TMEM117: variants seen among roughly 807,000 people sequenced by gnomAD.
TMEM117 encodes the protein transmembrane protein 117.
Under a neutral mutation model 52.4 loss-of-function variants are expected in TMEM117, and 27 were observed. The observed-to-expected ratio is 0.51, with a 90% CI of 0.38 to 0.71. The LOEUF (loss-of-function observed/expected upper bound fraction) is 0.71, where lower values mean the gene tolerates loss of function less well. Ranked by LOEUF, TMEM117 falls within the 30% of genes least tolerant of loss-of-function variation. The pLI, the probability that TMEM117 is intolerant of heterozygous loss-of-function variation, is 0.00. For missense variants in TMEM117, 556 were observed against 630.5 expected, an observed-to-expected ratio of 0.88 and a Z score of 1.26; for synonymous variants, 215 against 206.3, an observed-to-expected ratio of 1.04 and a Z score of -0.36.
In TMEM117 at chr12:44,375,084, G is replaced by A. The variant is rs192644010; in HGVS notation, c.769-1511G>A. 2.8e-3 allele frequency among the ~76,000 whole-genome samples: 427 copies of A among 152,246 alleles called. 1 individual carries two copies. The highest frequency in any genetic ancestry group is 9.8e-3 in the African/African-American group (409 of 41,544). On this transcript the variant is annotated intron_variant, in intron 6 of 7. Coordinates refer to ENST00000266534, the MANE Select transcript of TMEM117 (RefSeq NM_032256.3). ...CATAGAAAGAACAAAGGTGGCATTA[G>A]TGGAAAATAAAAGGCAAATGCACGT... is the stretch of plus-strand genomic sequence containing the variant.
At position 43,996,928 on chromosome 12, in the gene TMEM117, A is replaced by C. The variant is rs1282084777; in HGVS notation, c.410+52586A>C. Reference sequence around the variant, plus strand: ...CATATTTGTTGGTGTCAGTAAGAGGAAATTAAGTTGACAATATAGAGAGCA... The same window carrying C: ...CATATTTGTTGGTGTCAGTAAGAGGCAATTAAGTTGACAATATAGAGAGCA... On this transcript the variant is annotated intron_variant, in intron 3 of 7. Coordinates refer to ENST00000266534, the MANE Select transcript of TMEM117 (RefSeq NM_032256.3). 3.9e-5 allele frequency among the ~76,000 whole-genome samples: 6 copies of C among 152,168 alleles called. No individual in the cohort carries two copies. In the East Asian group the frequency reaches 1.2e-3, roughly 29 times the overall value.
intron 3 of TMEM117, among the ~76,000 whole-genome samples, chr12:43,945,043 G>A (rs1310451900): frequency 2.0e-5 from 3 of 151,788 alleles, no homozygotes; most frequent in South Asian, 2.1e-4. Flanking sequence ...CCCAGGAAGC[G>A]GAGGTTGCAG....
intron 6 of TMEM117, among the ~76,000 whole-genome samples, chr12:44,359,707 A>T (rs1951696819): frequency 2.0e-5 from 3 of 152,072 alleles, no homozygotes; most frequent in African/African-American, 4.8e-5. Context: ...GAATTACCAG[A>T]TTAATATGGA....
intron 2 of TMEM117, among the ~76,000 whole-genome samples, chr12:43,845,430 C>T (rs1592301188): frequency 8.3e-6 from 1 of 120,116 alleles, no homozygotes; most frequent in Non-Finnish European, 1.6e-5. Context: ...CGCTGCACTA[C>T]AGCCTGGGTG....
At chr12:44,302,236 C>A (rs987152158) in intron 6 of TMEM117, among the ~76,000 whole-genome samples, 1 of 152,180 alleles carries the variant, frequency 6.6e-6, no homozygotes, top group African/African-American at 2.4e-5. Context: ...CACTTCTCAG[C>A]CCTAGATATT....
At position 44,037,459 on chromosome 12, in the gene TMEM117, G is replaced by A. The variant is rs1321029782; in HGVS notation, c.410+93117G>A. On this transcript the variant is annotated intron_variant, in intron 3 of 7. Coordinates refer to ENST00000266534, the MANE Select transcript of TMEM117 (RefSeq NM_032256.3). ...TAACATGCTAGACTCCTGCCGCCTC[G>A]GCCCCTCCAGACGCTGGGCACTGAC... is the stretch of plus-strand genomic sequence containing the variant. 2.0e-5 allele frequency among the ~76,000 whole-genome samples: 3 copies of A among 152,032 alleles called. No homozygotes were observed. In the East Asian group the frequency reaches 5.8e-4, roughly 30 times the overall value.
At chr12:44,107,541 A>G (rs1472117291) in intron 3 of TMEM117, among the ~76,000 whole-genome samples, 1 of 152,110 alleles carries the variant, frequency 6.6e-6, no homozygotes, top group Non-Finnish European at 1.5e-5. Context: ...GTGAGTTGAC[A>G]TGGAGATAGG....
chr12:44,282,524 A>G (rs1281994910), intron 5 of TMEM117, among the ~76,000 whole-genome samples: 2 of 152,334 alleles, frequency 1.3e-5, no homozygotes, highest in Non-Finnish European at 2.9e-5. Context: ...CAAAGAGACT[A>G]ACGTCATTTT....
chr12:44,020,512 T>C (rs1054246640), intron 3 of TMEM117, among the ~76,000 whole-genome samples: 13 of 152,194 alleles, frequency 8.5e-5, no homozygotes, highest in Non-Finnish European at 1.5e-4. Context: ...TTTATTCTGA[T>C]CTACGAATTT....
At chr12:43,812,405 G>A in the TMEM117 span, among the ~76,000 whole-genome samples, 3 of 152,304 alleles carry the variant, frequency 2.0e-5, no homozygotes, top group South Asian at 6.2e-4. Context: ...GAAGCATGGA[G>A]CTTGACCCAC....
intron 3 of TMEM117, among the ~76,000 whole-genome samples, chr12:44,030,183 A>G (rs1162652458): frequency 6.6e-6 from 1 of 152,230 alleles, no homozygotes; most frequent in Admixed American, 6.5e-5. Flanking sequence ...TTATTGGTAA[A>G]ATAAAAATAT....
At chr12:44,339,413 T>C (rs920859398) in intron 6 of TMEM117, among the ~76,000 whole-genome samples, 1 of 152,004 alleles carries the variant, frequency 6.6e-6, no homozygotes, top group African/African-American at 2.4e-5. Flanking sequence ...CTGACATTTA[T>C]CAGAAGTAGT....
intron 3 of TMEM117, among the ~76,000 whole-genome samples, chr12:44,070,089 C>T (rs897662278): frequency 5.9e-5 from 9 of 152,156 alleles, no homozygotes; most frequent in Admixed American, 1.3e-4. Context: ...TAGGGTCTTG[C>T]CATGTTGTTC....
At chr12:44,383,893 A>G (rs2138867331) in intron 7 of TMEM117, among the ~76,000 whole-genome samples, 1 of 152,270 alleles carries the variant, frequency 6.6e-6, no homozygotes, top group East Asian at 1.9e-4. Flanking sequence ...TGTATATTCC[A>G]TCTTCTTTGC....
chr12:44,007,098 A>T (rs73087643), intron 3 of TMEM117, among the ~76,000 whole-genome samples: 6,157 of 152,248 alleles, frequency 0.04, 205 homozygotes, highest in African/African-American at 0.09. Flanking sequence ...TAATAACAAG[A>T]TATTCCTAAT....
intron 3 of TMEM117, among the ~76,000 whole-genome samples, chr12:44,142,001 A>G (rs975017036): frequency 2.0e-5 from 3 of 152,202 alleles, no homozygotes; most frequent in South Asian, 2.1e-4. Context: ...ACTAACACTT[A>G]TAAGAAGAAG....
chr12:43,826,149 A>T, the TMEM117 span, among the ~76,000 whole-genome samples: 2 of 152,230 alleles, frequency 1.3e-5, no homozygotes, highest in Non-Finnish European at 2.9e-5. Context: ...GGGTGCATGC[A>T]GTATGTGGCA....
At chr12:43,801,535 C>T in the TMEM117 span, among the ~76,000 whole-genome samples, 1 of 152,070 alleles carries the variant, frequency 6.6e-6, no homozygotes, top group African/African-American at 2.4e-5. Flanking sequence ...TTGTTCTATA[C>T]AGTCAATCTA....
In TMEM117 at chr12:43,859,060, G is replaced by A. The variant is rs188693840; in HGVS notation, c.277+14132G>A. Among the ~76,000 whole-genome samples, 283 of 152,300 alleles carry A rather than the reference G, an allele frequency of 1.9e-3. 1 individual carries two copies. Among genetic ancestry groups the A allele is most frequent in the African/African-American group, 6.2e-3 (257 of 41,560 alleles). On this transcript the variant is annotated intron_variant, in intron 2 of 7. Transcript: ENST00000266534. ...TTTGTGGGAATCATAGAATCTCAGAGTGAATGGAATTGGTGAGAGCTTTCT... is the reference window on the plus strand; with the variant it reads ...TTTGTGGGAATCATAGAATCTCAGAATGAATGGAATTGGTGAGAGCTTTCT...
Sources: allele counts gnomAD v4.1 joint callset (sites outside exome capture counted in the v4.1 genomes callset), GRCh38; gene constraint gnomAD v4.1.1; transcripts MANE v1.5; gene names NCBI Gene and HGNC (gene_info 2026-07-23, HGNC 2026-07-21).